DGKB: variants seen among roughly 807,000 people sequenced by gnomAD.
DGKB encodes the protein 90 kDa diacylglycerol kinase.
A neutral mutation model predicts 114.3 loss-of-function variants in DGKB; 67 were observed. That is an observed-to-expected ratio of 0.59 (90% CI 0.48 to 0.72). The LOEUF (loss-of-function observed/expected upper bound fraction) is 0.72. Among genes scored for constraint, DGKB ranks in the 30% least tolerant of loss-of-function variants. The pLI, the probability that DGKB is intolerant of heterozygous loss-of-function variation, is 0.00. For missense variants in DGKB, 907 were observed against 975.2 expected, an observed-to-expected ratio of 0.93 and a Z score of 0.93; for synonymous variants, 398 against 323.1, an observed-to-expected ratio of 1.23 and a Z score of -2.49.
intron 23 of DGKB, among the ~76,000 whole-genome samples, chr7:14,281,718 C>T (rs766861998): frequency 4.6e-5 from 7 of 152,016 alleles, no homozygotes; most frequent in East Asian, 2.0e-4. Flanking sequence ...CACTCAAAAC[C>T]GCTCAACTAC....
intron 23 of DGKB, among the ~76,000 whole-genome samples, chr7:14,316,775 C>G (rs1219709876): frequency 6.6e-6 from 1 of 151,624 alleles, no homozygotes; most frequent in African/African-American, 2.4e-5. Context: ...TCCTCCCTAA[C>G]TCATTTGATG....
chr7:14,306,157 A>G (rs1051833700), intron 23 of DGKB, among the ~76,000 whole-genome samples: 1 of 152,164 alleles, frequency 6.6e-6, no homozygotes, highest in African/African-American at 2.4e-5. Context: ...ATTTGGACTA[A>G]TTTAATTTTA....
chr7:14,662,240 G>C (rs534129662), intron 13 of DGKB, among the ~76,000 whole-genome samples: 1 of 151,258 alleles, frequency 6.6e-6, no homozygotes, highest in African/African-American at 2.4e-5. Flanking sequence ...TAAAAAAAGA[G>C]ATATGAGAGT....
intron 2 of DGKB, among the ~76,000 whole-genome samples, chr7:14,797,816 C>T (rs1841610552): frequency 1.3e-5 from 2 of 152,006 alleles, no homozygotes; most frequent in African/African-American, 4.8e-5. Context: ...GGCTCCTTCT[C>T]CTGTTTTTCA....
At chr7:14,693,142 C>A (rs1441617077) in intron 9 of DGKB, among the ~76,000 whole-genome samples, 2 of 152,032 alleles carry the variant, frequency 1.3e-5, no homozygotes, top group Non-Finnish European at 1.5e-5. Flanking sequence ...TTGGGTTTGG[C>A]AGCAAAGTGG....
intron 16 of DGKB, among the ~76,000 whole-genome samples, chr7:14,610,217 T>A (rs1805276925): frequency 6.6e-6 from 1 of 152,136 alleles, no homozygotes; most frequent in East Asian, 1.9e-4. Context: ...TCATGTCCTT[T>A]GCAGCAATAT....
chr7:14,281,834 C>A (rs1800006920), intron 23 of DGKB, among the ~76,000 whole-genome samples: 1 of 146,514 alleles, frequency 6.8e-6, no homozygotes, highest in African/African-American at 2.5e-5. Context: ...ACACAACATA[C>A]CAGAATCTCT....
intron 20 of DGKB, among the ~76,000 whole-genome samples, chr7:14,568,557 G>T: frequency 6.6e-6 from 1 of 152,316 alleles, no homozygotes; most frequent in Non-Finnish European, 1.5e-5. Context: ...CTGTCAAGAT[G>T]GAAGGAGCCT....
chr7:14,189,703 T>G (rs1420688728), intron 23 of DGKB, among the ~76,000 whole-genome samples: 1 of 151,992 alleles, frequency 6.6e-6, no homozygotes, highest in African/African-American at 2.4e-5. Context: ...AGCAAAGGGA[T>G]AGAAAAAGAT....
intron 13 of DGKB, among the ~76,000 whole-genome samples, chr7:14,658,328 TATTAC>T (rs1273680373): frequency 6.6e-6 from 1 of 151,958 alleles, no homozygotes; most frequent in African/African-American, 2.4e-5. Flanking sequence ...GAAAGATTAA[TATTAC>T]ATGTTCTCAT....
intron 13 of DGKB, among the ~76,000 whole-genome samples, chr7:14,648,486 C>T (rs1327609064): frequency 2.1e-5 from 3 of 141,886 alleles, no homozygotes; most frequent in Non-Finnish European, 4.6e-5. Flanking sequence ...ACACCAAAAA[C>T]CCATCTGTAC....
chr7:14,638,701 A>T (rs1182412824), intron 13 of DGKB, among the ~76,000 whole-genome samples: 1 of 152,162 alleles, frequency 6.6e-6, no homozygotes, highest in African/African-American at 2.4e-5. Flanking sequence ...AATTCCTGCT[A>T]TGTTGACTTT....
chr7:14,334,462 G>C (rs1162248697), intron 23 of DGKB, among the ~76,000 whole-genome samples: 1 of 151,638 alleles, frequency 6.6e-6, no homozygotes, highest in East Asian at 1.9e-4. Context: ...AAAGAAAAAA[G>C]AGGAGGAAGA....
intron 20 of DGKB, among the ~76,000 whole-genome samples, chr7:14,525,522 C>T (rs1204638864): frequency 6.6e-6 from 1 of 152,150 alleles, no homozygotes; most frequent in Non-Finnish European, 1.5e-5. Context: ...TTCTGCCCAA[C>T]AAGGGATTCT....
At chr7:14,402,135 T>C (rs183068329) in intron 21 of DGKB, among the ~76,000 whole-genome samples, 134 of 151,890 alleles carry the variant, frequency 8.8e-4, no homozygotes, top group African/African-American at 2.9e-3. Flanking sequence ...AAATAGATTA[T>C]ATGAGATAGA....
intron 1 of DGKB, among the ~76,000 whole-genome samples, chr7:14,936,953 A>T (rs1452723350): frequency 6.6e-6 from 1 of 151,322 alleles, no homozygotes; most frequent in East Asian, 2.0e-4. Flanking sequence ...GTAAATGATT[A>T]AATATCTCCT....
chr7:14,280,443 G>A lies in DGKB; in HGVS notation c.2122+58072C>T, dbSNP rs1478761678. On this transcript the variant is annotated intron_variant, in intron 23 of 25. Transcript: ENST00000402815. ...CGAGTTGGAAAACACTCTGCAGGAT[G>A]TTATCCAGGAGAATTTCCCCAATCT... Among the ~76,000 whole-genome samples, 456 of 150,764 alleles carry A rather than the reference G, an allele frequency of 3.0e-3. 1 individual carries two copies. The highest frequency in any genetic ancestry group is 0.01 in the African/African-American group (416 of 40,306).
chr7:14,341,534 C>T (rs2128582774), intron 22 of DGKB, among the ~76,000 whole-genome samples: 1 of 151,836 alleles, frequency 6.6e-6, no homozygotes, highest in Admixed American at 6.6e-5. Flanking sequence ...TCAATAAATC[C>T]TGAATATTTT....
chr7:14,328,774 T>C (rs1425884359), intron 23 of DGKB, among the ~76,000 whole-genome samples: 1 of 152,010 alleles, frequency 6.6e-6, no homozygotes, highest in African/African-American at 2.4e-5. Context: ...ATTAGTCATG[T>C]TTATCCATGT....
Sources: gnomAD v4.1 joint callset for allele counts (sites outside exome capture counted in the v4.1 genomes callset) on GRCh38, gnomAD v4.1.1 for gene constraint, MANE v1.5 for transcripts, NCBI Gene and HGNC (gene_info 2026-07-23, HGNC 2026-07-21) for gene names.